The following CSMD1 variants were observed in gnomAD, a reference collection of about 807,000 sequenced individuals.
CSMD1 encodes the protein CUB and sushi domain-containing protein 1.
A neutral mutation model predicts 417.5 loss-of-function variants in CSMD1; 213 were observed. The ratio of observed to expected loss-of-function variants is 0.51; its 90% CI spans 0.46 to 0.57. The LOEUF (loss-of-function observed/expected upper bound fraction) is 0.57, where lower values mean the gene tolerates loss of function less well. Among genes scored for constraint, CSMD1 ranks in the 20% least tolerant of loss-of-function variants. CSMD1 has a pLI of 0.00. For missense variants in CSMD1, 6,923 were observed against 4,529.7 expected, an observed-to-expected ratio of 1.53 and a Z score of -15.17; for synonymous variants, 2,862 against 1,736.8, an observed-to-expected ratio of 1.65 and a Z score of -16.11.
At chr8:3,488,737 G>T (rs77682220) in intron 11 of CSMD1, among the ~76,000 whole-genome samples, 4 of 152,112 alleles carry the variant, frequency 2.6e-5, no homozygotes, top group African/African-American at 9.7e-5. Flanking sequence ...GCTAACAATG[G>T]ATAGACTTCA....
intron 3 of CSMD1, among the ~76,000 whole-genome samples, chr8:4,245,850 A>G (rs1300643298): frequency 6.6e-6 from 1 of 152,194 alleles, no homozygotes; most frequent in Admixed American, 6.5e-5. Context: ...ACATAATCAC[A>G]TAATCTTTGA....
chr8:3,681,625 T>C (rs959621024), intron 7 of CSMD1, among the ~76,000 whole-genome samples: 1 of 152,162 alleles, frequency 6.6e-6, no homozygotes, highest in African/African-American at 2.4e-5. Context: ...CAAGGTAATT[T>C]ATAGATTCAA....
At chr8:3,929,333 G>A (rs1180711020) in intron 5 of CSMD1, among the ~76,000 whole-genome samples, 1 of 150,480 alleles carries the variant, frequency 6.6e-6, no homozygotes, top group Non-Finnish European at 1.5e-5. Context: ...GGTACAAACT[G>A]CATACATAAT....
intron 52 of CSMD1, among the ~76,000 whole-genome samples, chr8:3,001,372 CCTT>C (rs1365405094): frequency 6.6e-6 from 1 of 152,104 alleles, no homozygotes; most frequent in Admixed American, 6.5e-5. Context: ...TCCAACTTCT[CCTT>C]TTCTCTCTCT....
intron 1 of CSMD1, among the ~76,000 whole-genome samples, chr8:4,734,061 C>G (rs1338453697): frequency 2.6e-5 from 4 of 152,090 alleles, no homozygotes; most frequent in Non-Finnish European, 2.9e-5. Flanking sequence ...TTTGGAGAAA[C>G]TGAGGTGACA....
In CSMD1 at chr8:4,596,866, T is replaced by C. The variant is rs75099050; in HGVS notation, c.302+40476A>G. Among the ~76,000 whole-genome samples, 989 of 152,294 alleles carry C rather than the reference T, an allele frequency of 6.5e-3. 3 individuals are homozygous for C. Among genetic ancestry groups the C allele is most frequent in the African/African-American group, 0.016 (681 of 41,556 alleles). On this transcript the variant is annotated intron_variant, in intron 2 of 69. Coordinates refer to ENST00000635120, the MANE Select transcript of CSMD1 (RefSeq NM_033225.6). ...TAATTGAATCATGGGGGCTGATCTT[T>C]CCCATGCTATTCTTCTGATAGCGAA...
intron 3 of CSMD1, among the ~76,000 whole-genome samples, chr8:4,242,130 G>A (rs1276829593): frequency 1.3e-5 from 2 of 152,106 alleles, no homozygotes; most frequent in Non-Finnish European, 2.9e-5. Context: ...AGAATTATAT[G>A]TCTTTCTTAG....
chr8:2,980,386 CCTT>C (rs1470232299), intron 54 of CSMD1, among the ~76,000 whole-genome samples: 5 of 151,770 alleles, frequency 3.3e-5, no homozygotes, highest in African/African-American at 1.2e-4. Context: ...TCCTCCTCTT[CCTT>C]CTTCTCCTCC....
intron 5 of CSMD1, among the ~76,000 whole-genome samples, chr8:3,989,102 C>A (rs751089703): frequency 6.6e-6 from 1 of 152,140 alleles, no homozygotes; most frequent in African/African-American, 2.4e-5. Context: ...CAGCAGTAAA[C>A]GTGCAGCTAG....
chr8:3,858,709 T>G (rs1477239583), intron 5 of CSMD1, among the ~76,000 whole-genome samples: 2 of 152,104 alleles, frequency 1.3e-5, no homozygotes, highest in Non-Finnish European at 2.9e-5. Context: ...CCAAATAAAA[T>G]AGTCCATAAA....
At chr8:4,032,149 G>C (rs766933869) in intron 3 of CSMD1, 50 bp from the exon 4 acceptor site, 54 of 1,413,376 alleles carry the variant, frequency 3.8e-5, no homozygotes, top group Non-Finnish European at 5.0e-5. Context: ...ATTTTCCATG[G>C]AGAGCCACTT....
intron 51 of CSMD1, among the ~76,000 whole-genome samples, chr8:3,023,403 A>T (rs1241735671): frequency 5.9e-5 from 9 of 152,238 alleles, no homozygotes; most frequent in Non-Finnish European, 4.4e-5. Flanking sequence ...TAAGTCGAAC[A>T]ATAAATAAAT....
intron 3 of CSMD1, among the ~76,000 whole-genome samples, chr8:4,390,816 C>G (rs1016650532): frequency 6.6e-6 from 1 of 152,132 alleles, no homozygotes; most frequent in Non-Finnish European, 1.5e-5. Flanking sequence ...GCTGGGATTA[C>G]AGACATGAGC....
At chr8:3,461,283 G>T (rs981457056) in intron 12 of CSMD1, among the ~76,000 whole-genome samples, 1 of 152,200 alleles carries the variant, frequency 6.6e-6, no homozygotes, top group Admixed American at 6.5e-5. Context: ...AGTCCAGAAG[G>T]CTTTTGCTGG....
At chr8:4,288,368 A>G (rs539621010) in intron 3 of CSMD1, among the ~76,000 whole-genome samples, 1 of 152,290 alleles carries the variant, frequency 6.6e-6, no homozygotes, top group South Asian at 2.1e-4. Context: ...TAATGATTCC[A>G]GAGAGGCTAT....
intron 1 of CSMD1, among the ~76,000 whole-genome samples, chr8:4,985,995 T>G (rs1365951553): frequency 6.6e-6 from 1 of 152,214 alleles, no homozygotes; most frequent in Non-Finnish European, 1.5e-5. Context: ...TCTCTCTTCT[T>G]TTTGTGAAGT....
rs540929756 is a variant in CSMD1 at position 3,942,727 on chromosome 8, C to T, written c.818+55176G>A. ...TTCTGTGTTCTTAATATAACATACGCTCAAAATACTAATGCATGTGTGAAG... is the reference window on the plus strand; with the variant it reads ...TTCTGTGTTCTTAATATAACATACGTTCAAAATACTAATGCATGTGTGAAG... On this transcript the variant is annotated intron_variant, in intron 5 of 69. Transcript: ENST00000635120. Among the ~76,000 whole-genome samples, 421 of 152,246 alleles carry T rather than the reference C, an allele frequency of 2.8e-3. 1 individual carries two copies. The highest frequency in any genetic ancestry group is 9.8e-3 in the African/African-American group (407 of 41,534).
chr8:4,768,891 C>T (rs1019685376), intron 1 of CSMD1, among the ~76,000 whole-genome samples: 1 of 152,168 alleles, frequency 6.6e-6, no homozygotes, highest in Non-Finnish European at 1.5e-5. Flanking sequence ...TTTTTCCTAG[C>T]CGAGTCTTCC....
intron 1 of CSMD1, among the ~76,000 whole-genome samples, chr8:4,825,101 G>C (rs955266918): frequency 6.6e-6 from 1 of 152,006 alleles, no homozygotes; most frequent in Non-Finnish European, 1.5e-5. Flanking sequence ...TTTATAACTT[G>C]ATGAACAACA....
Sources: gnomAD v4.1 joint callset for allele counts (sites outside exome capture counted in the v4.1 genomes callset) on GRCh38, gnomAD v4.1.1 for gene constraint, MANE v1.5 for transcripts, NCBI Gene and HGNC (gene_info 2026-07-23, HGNC 2026-07-21) for gene names.